The following CARD10 variants were observed in gnomAD, a reference collection of about 807,000 sequenced individuals.
The protein encoded by CARD10 is caspase recruitment domain family member 10.
A neutral mutation model predicts 114.6 loss-of-function variants in CARD10; 49 were observed. The observed-to-expected ratio is 0.43, with a 90% CI of 0.34 to 0.54. CARD10 has a LOEUF of 0.54. CARD10 is among the 20% of genes least tolerant of loss of function. The pLI, the probability that CARD10 is intolerant of heterozygous loss-of-function variation, is 0.03. For missense variants in CARD10, 1,206 were observed against 1,397.2 expected (o/e 0.86, Z 2.18); for synonymous variants, 602 against 593.2 (o/e 1.01, Z -0.21).
chr22:37,494,276 GC>G, intron 15 of CARD10, 88 bp from the exon 16 acceptor site: 1 of 848,258 alleles, frequency 1.2e-6, no homozygotes, highest in Non-Finnish European at 1.9e-6. Context: ...GGCACAGCGG[GC>G]CCCACTGCCA....
At chr22:37,512,468 CACACACACACACACACACACACACA>C (rs1923693309) in intron 3 of CARD10, among the ~76,000 whole-genome samples, 1 of 45,352 alleles carries the variant, frequency 2.2e-5, no homozygotes, top group African/African-American at 4.3e-4. Context: ...CCCCCCTCCA[CACACACACACACACACACACACACA>C]CACACACACA....
intron 5 of CARD10, 85 bp from the exon 6 acceptor site, chr22:37,508,039 G>A: frequency 3.3e-6 from 5 of 1,527,798 alleles, no homozygotes; most frequent in Non-Finnish European, 4.5e-6. Context: ...GGGCCAGTGA[G>A]AGACGCTCAC....
chr22:37,495,611 G>A (rs371174991), intron 14 of CARD10, 25 bp from the exon 15 acceptor site: 3 of 1,612,700 alleles, frequency 1.9e-6, no homozygotes, highest in African/African-American at 1.3e-5. Context: ...GACATCATGT[G>A]TGTAGAAAGA....
intron 3 of CARD10, among the ~76,000 whole-genome samples, chr22:37,510,999 T>C (rs1011317383): frequency 6.6e-6 from 1 of 151,626 alleles, no homozygotes; most frequent in African/African-American, 2.4e-5. Flanking sequence ...CGAGAATCAT[T>C]TGAACCCAGG....
intron 3 of CARD10, among the ~76,000 whole-genome samples, chr22:37,513,471 C>T (rs1045506648): frequency 4.6e-5 from 7 of 152,128 alleles, no homozygotes; most frequent in Non-Finnish European, 1.0e-4. Flanking sequence ...AGGCAGATGA[C>T]CTGCAGACTA....
chr22:37,500,309 C>T (rs1923165669), intron 11 of CARD10, among the ~76,000 whole-genome samples: 2 of 152,170 alleles, frequency 1.3e-5, no homozygotes, highest in South Asian at 4.1e-4. Context: ...CCAGAGATCC[C>T]CTGGGGCCAC....
At chr22:37,509,151 C>A in intron 4 of CARD10, 1 of 1,473,442 alleles carries the variant, frequency 6.8e-7, no homozygotes, top group Non-Finnish European at 9.1e-7. Context: ...GCCAAGTGCC[C>A]CAACCCCATG....
At position 37,516,170 on chromosome 22, in the gene CARD10, G is replaced by A. The variant is rs751228709; in HGVS notation, c.502C>T (p.Arg168Trp). ...QARGRVLEEE[R>W]AGLEQRLRDQ... ...CGCAGCCGCTGCTCCAGCCCTGCCCGCTCCTCCTCGAGCACCCGGCCCCGG... is the reference window on the plus strand; with the variant it reads ...CGCAGCCGCTGCTCCAGCCCTGCCCACTCCTCCTCGAGCACCCGGCCCCGG... The change falls in exon 3 of 20, where the codon CGG (arginine) becomes TGG (tryptophan). Residue 168 changes from arginine (R) to tryptophan (W), a missense_variant. Arg to Trp is a moderately radical substitution (Grantham distance 101). Coordinates refer to ENST00000251973, the MANE Select transcript of CARD10 (RefSeq NM_014550.4). 1.1e-5 allele frequency: 17 copies of A among 1,592,602 alleles called. No individual in the cohort carries two copies. The highest frequency in any genetic ancestry group is 1.0e-4 in the South Asian group (9 of 88,590).
rs183467601 is a variant in CARD10, at chr22:37,492,845, G to T, written c.2477-43C>A. On this transcript the variant is annotated intron_variant, in intron 16 of 19. Coordinates refer to ENST00000251973, the MANE Select transcript of CARD10 (RefSeq NM_014550.4). The surrounding 1 kb of genome is among the most constrained non-coding windows in gnomAD (Gnocchi z 5.7). ...CGCAAAAGAGATAAGGGCACAGGCA[G>T]GCAGCATACCAGCTCGTCGATACCC... is the stretch of plus-strand genomic sequence containing the variant. 4.6e-5 allele frequency: 74 copies of T among 1,591,730 alleles called. No individual in the cohort carries two copies. In the African/African-American group the frequency reaches 9.1e-4, roughly 20 times the overall value.
At position 37,496,646 on chromosome 22, in the gene CARD10, G is replaced by A; in HGVS notation, c.1948-86C>T. 3.2e-6 allele frequency: 3 copies of A among 927,036 alleles called. No individual in the cohort carries two copies. The highest frequency in any genetic ancestry group is 2.6e-5 in the East Asian group (1 of 39,112). The allele number at this position is 927,036 out of a possible 1,614,324, so 57.4% of individuals were successfully genotyped here. On this transcript the variant is annotated intron_variant, in intron 12 of 19. Coordinates refer to ENST00000251973, the MANE Select transcript of CARD10 (RefSeq NM_014550.4). The surrounding 1 kb of genome is among the most constrained non-coding windows in gnomAD (Gnocchi z 4.1). ...GGGCTGGAGGAAGACCAGGTGTGGGGGTGTTTCATGCCTCACAGTTCAGAT... is the reference window on the plus strand; with the variant it reads ...GGGCTGGAGGAAGACCAGGTGTGGGAGTGTTTCATGCCTCACAGTTCAGAT...
intron 16 of CARD10, 60 bp downstream of exon 16, chr22:37,494,026 T>C: frequency 7.9e-7 from 1 of 1,270,680 alleles, no homozygotes; most frequent in Non-Finnish European, 1.1e-6. Flanking sequence ...GACACTCAGC[T>C]GCACACATCC....
intron 11 of CARD10, among the ~76,000 whole-genome samples, chr22:37,500,577 G>A (rs1923177955): frequency 6.6e-6 from 1 of 152,194 alleles, no homozygotes; most frequent in South Asian, 2.1e-4. Flanking sequence ...AGATGGGCAG[G>A]AAATGGGAAA....
At chr22:37,518,626 G>A (rs988421752) in intron 1 of CARD10, among the ~76,000 whole-genome samples, 1 of 152,200 alleles carries the variant, frequency 6.6e-6, no homozygotes. Flanking sequence ...ATCAAAGAGC[G>A]CAGGAAAGGT....
intron 7 of CARD10, 22 bp downstream of exon 7, chr22:37,506,170 T>C (rs738304): frequency 0.29 from 418,262 of 1,430,562 alleles, 62,467 homozygotes; most frequent in South Asian, 0.33. Flanking sequence ...TGCCAGGACC[T>C]CCACAATCTT....
intron 3 of CARD10, among the ~76,000 whole-genome samples, chr22:37,511,408 G>A (rs1923641211): frequency 7.5e-6 from 1 of 133,004 alleles, no homozygotes; most frequent in East Asian, 2.1e-4. Flanking sequence ...TGAGGAGGAG[G>A]AGGGGAGGAG....
intron 2 of CARD10, 40 bp downstream of exon 2, chr22:37,517,906 GGGATGGGGAAAGGAGCCTGTGCACT>G (rs1390016406): frequency 3.8e-6 from 6 of 1,576,220 alleles, no homozygotes; most frequent in Non-Finnish European, 5.2e-6. Context: ...CTCCCTAACA[GGGATGGGGAAAGGAGCCTGTGCACT>G]GGAGTCCGAG....
Position 37,496,501 on chromosome 22 carries a change from T to C in CARD10, c.2007A>G (p.Arg669=). Residue 669 remains arginine (R), a synonymous_variant, in exon 13 of 20, where the codon AGA becomes AGG. Transcript: ENST00000251973. This position sits in a 1 kb window ranked among gnomAD's most constrained non-coding sequence, Gnocchi z 4.1. ...GACLEAEAQQ[R]TLLWNQGSTL... ...TGGACCCCTGATTCCAGAGCAAGGT[T>C]CTCTGCTGGGCCTCGGCTTCCAGGC... The C allele has an allele frequency of 2.5e-6, 4 of 1,613,834 alleles. No homozygotes were observed. The highest frequency in any genetic ancestry group is 3.4e-6 in the Non-Finnish European group (4 of 1,179,920).
chr22:37,510,591 A>G (rs1361038249), intron 3 of CARD10, 170 bp from the exon 4 acceptor site: 4 of 613,730 alleles, frequency 6.5e-6, no homozygotes, highest in Non-Finnish European at 1.1e-5. Flanking sequence ...CTGGACAGAT[A>G]TAAAACAAAC....
At chr22:37,510,173 C>A in intron 4 of CARD10, 39 bp downstream of exon 4, 1 of 1,577,092 alleles carries the variant, frequency 6.3e-7, no homozygotes, top group Non-Finnish European at 8.6e-7. Context: ...CCCTCCTGAC[C>A]ACCCCCCAGC....
Sources: gnomAD v4.1 joint callset for allele counts (sites outside exome capture counted in the v4.1 genomes callset) on GRCh38, gnomAD v4.1.1 for gene constraint, Gnocchi (gnomAD v3.1) non-coding constraint, MANE v1.5 for transcripts, NCBI Gene and HGNC (gene_info 2026-07-23, HGNC 2026-07-21) for gene names.